Variants in TENM2 observed in about 807,000 individuals in gnomAD.
The protein encoded by TENM2 is teneurin-2.
In TENM2, 52 loss-of-function variants were observed where a neutral mutation model predicts 245.2. The ratio of observed to expected loss-of-function variants is 0.21; its 90% confidence interval spans 0.17 to 0.27. The LOEUF (loss-of-function observed/expected upper bound fraction) is 0.27, where lower values mean the gene tolerates loss of function less well. TENM2 is among the 10% of genes least tolerant of loss of function. The pLI is 1.00. For missense variants in TENM2, 3,046 were observed against 3,666.8 expected, an observed-to-expected ratio of 0.83 and a Z score of 4.37; for synonymous variants, 1,363 against 1,438.9, an observed-to-expected ratio of 0.95 and a Z score of 1.19.
chr5:167,767,965 G>A (rs1019214370), intron 2 of TENM2, among the ~76,000 whole-genome samples: 8 of 152,148 alleles, frequency 5.3e-5, no homozygotes, highest in Non-Finnish European at 1.0e-4. Context: ...GTGAATATTT[G>A]CCTGAACTGT....
chr5:168,076,535 T>C (rs566819620), intron 7 of TENM2, among the ~76,000 whole-genome samples: 1 of 152,240 alleles, frequency 6.6e-6, no homozygotes, highest in East Asian at 1.9e-4. Context: ...GTTTGCTTTA[T>C]TTTTTACTCA....
chr5:167,812,116 A>C (rs1333375937), intron 2 of TENM2, among the ~76,000 whole-genome samples: 1 of 152,200 alleles, frequency 6.6e-6, no homozygotes, highest in Non-Finnish European at 1.5e-5. Flanking sequence ...TTCTAAATTT[A>C]GTAAACTTCA....
chr5:167,580,604 C>G (rs912638366), intron 2 of TENM2, among the ~76,000 whole-genome samples: 5 of 152,240 alleles, frequency 3.3e-5, no homozygotes, highest in Non-Finnish European at 5.9e-5. Context: ...GCCAGAAACG[C>G]TGTTACTGCA....
chr5:167,932,188 C>T (rs1430602491), intron 3 of TENM2, among the ~76,000 whole-genome samples: 2 of 152,082 alleles, frequency 1.3e-5, no homozygotes, highest in Non-Finnish European at 2.9e-5. Context: ...GCAATTCCAT[C>T]GTGAAGGTCT....
chr5:167,897,968 C>G (rs1234603391), intron 3 of TENM2, among the ~76,000 whole-genome samples: 1 of 151,198 alleles, frequency 6.6e-6, no homozygotes, highest in Non-Finnish European at 1.5e-5. Flanking sequence ...AACTCCAGCC[C>G]CTTCGTGGTG....
At chr5:167,265,352 A>G in the TENM2 span, among the ~76,000 whole-genome samples, 1 of 150,574 alleles carries the variant, frequency 6.6e-6, no homozygotes, top group Admixed American at 6.6e-5. Flanking sequence ...AAAAAAAAAA[A>G]AAAAAGAAAG....
intron 2 of TENM2, among the ~76,000 whole-genome samples, chr5:167,608,116 C>A (rs1777189420): frequency 6.6e-6 from 1 of 152,080 alleles, no homozygotes; most frequent in Admixed American, 6.6e-5. Flanking sequence ...GTCATATCAC[C>A]CAATGTCGCG....
At chr5:168,060,601 G>A (rs971874200) in intron 6 of TENM2, among the ~76,000 whole-genome samples, 21 of 152,214 alleles carry the variant, frequency 1.4e-4, no homozygotes, top group Non-Finnish European at 2.9e-4. Context: ...AGAAGTCAAA[G>A]GGTTATTCTT....
intron 4 of TENM2, among the ~76,000 whole-genome samples, chr5:167,967,267 T>C (rs1191743725): frequency 1.3e-5 from 2 of 152,166 alleles, no homozygotes; most frequent in Non-Finnish European, 2.9e-5. Context: ...CCACATCACT[T>C]TCTGATAATT....
intron 2 of TENM2, among the ~76,000 whole-genome samples, chr5:167,663,180 G>GAGAGAGAA (rs1260028388): frequency 1.1e-4 from 16 of 139,178 alleles, no homozygotes; most frequent in African/African-American, 2.0e-4. Flanking sequence ...GAGAGAGAGA[G>GAGAGAGAA]AGAGAGAAAG....
At chr5:167,864,722 A>T (rs1209768198) in intron 2 of TENM2, among the ~76,000 whole-genome samples, 2 of 152,228 alleles carry the variant, frequency 1.3e-5, no homozygotes, top group Non-Finnish European at 2.9e-5. Flanking sequence ...CAACGAACTT[A>T]TCCCCTCTGC....
chr5:167,970,004 A>G (rs1422933), intron 4 of TENM2, among the ~76,000 whole-genome samples: 17,618 of 152,264 alleles, frequency 0.12, 1,169 homozygotes, highest in African/African-American at 0.17. Flanking sequence ...GGCAAAAGCC[A>G]CAGACCAACT....
the TENM2 span, among the ~76,000 whole-genome samples, chr5:167,083,534 C>T: frequency 2.6e-5 from 4 of 152,128 alleles, no homozygotes; most frequent in East Asian, 7.7e-4. Flanking sequence ...GGAATTAATT[C>T]TAAATTTAAT....
At chr5:168,011,504 A>G (rs1241971215) in intron 5 of TENM2, among the ~76,000 whole-genome samples, 1 of 152,206 alleles carries the variant, frequency 6.6e-6, no homozygotes, top group Non-Finnish European at 1.5e-5. Context: ...CAAGGTTGAA[A>G]ATTCCTGCTC....
intron 2 of TENM2, among the ~76,000 whole-genome samples, chr5:167,578,569 G>A (rs1162508721): frequency 6.6e-6 from 1 of 152,202 alleles, no homozygotes; most frequent in Non-Finnish European, 1.5e-5. Flanking sequence ...TTTAGAAGGT[G>A]TGATGTTCTC....
At chr5:167,470,775 G>A (rs1423007368) in intron 2 of TENM2, among the ~76,000 whole-genome samples, 1 of 151,964 alleles carries the variant, frequency 6.6e-6, no homozygotes, top group African/African-American at 2.4e-5. Context: ...CAACACAAGC[G>A]AGGTAGCCAT....
intron 3 of TENM2, among the ~76,000 whole-genome samples, chr5:167,925,139 G>A (rs994587058): frequency 1.2e-4 from 19 of 152,146 alleles, no homozygotes; most frequent in African/African-American, 4.6e-4. Flanking sequence ...CTATCCACAT[G>A]TGAATGAATG....
chr5:168,196,278 C>G (rs17632217), intron 15 of TENM2, among the ~76,000 whole-genome samples: 14,138 of 152,240 alleles, frequency 0.093, 737 homozygotes, highest in Middle Eastern at 0.14. Context: ...TCTCCCACCT[C>G]TGAAACCCAA....
chr5:168,194,437 C>T (rs1262118385), intron 14 of TENM2, among the ~76,000 whole-genome samples: 1 of 152,058 alleles, frequency 6.6e-6, no homozygotes, highest in Non-Finnish European at 1.5e-5. Context: ...GGGAGATGTT[C>T]TGTAACACTG....
Sources: gnomAD v4.1 joint callset for allele counts (sites outside exome capture counted in the v4.1 genomes callset) on GRCh38, gnomAD v4.1.1 for gene constraint, MANE v1.5 for transcripts, NCBI Gene and HGNC (gene_info 2026-07-23, HGNC 2026-07-21) for gene names.